The following PCDHA9 variants were observed in gnomAD, a reference collection of about 807,000 sequenced individuals.
The protein encoded by PCDHA9 is protocadherin alpha-9.
A neutral mutation model predicts 62.0 loss-of-function variants in PCDHA9; 62 were observed. That is an observed-to-expected ratio of 1.00 (90% CI 0.81 to 1.23). The LOEUF is 1.23. PCDHA9 is among the 50% of genes most tolerant of loss of function. The pLI is 0.00. For synonymous variants in PCDHA9, 557 were observed against 567.6 expected (o/e 0.98, Z 0.27); for missense variants, 1,205 against 1,249.8 (o/e 0.96, Z 0.54).
Position 141,004,229 on chromosome 5 carries a change from T to G in PCDHA9, c.2543-5398T>G, listed in dbSNP as rs368330742. On this transcript the variant is annotated intron_variant, in intron 3 of 3. Transcript: ENST00000532602. ...AGATTAGGAGGTCAGTCAGTGTTTG[T>G]CAGATCCTTAAGCTTTTGTTTTACT... Among the ~76,000 whole-genome samples, 5 of 152,250 alleles carry G rather than the reference T, an allele frequency of 3.3e-5. No individual in the cohort carries two copies. The East Asian group carries it at 7.7e-4, about 23-fold the overall frequency.
chr5:140,936,037 C>A (rs2090734622), intron 1 of PCDHA9, among the ~76,000 whole-genome samples: 2 of 151,862 alleles, frequency 1.3e-5, no homozygotes, highest in Non-Finnish European at 1.5e-5. Flanking sequence ...GGATTACAGG[C>A]ACCCACCACC....
intron 3 of PCDHA9, among the ~76,000 whole-genome samples, chr5:141,002,971 T>C (rs138459473): frequency 6.6e-6 from 1 of 152,274 alleles, no homozygotes; most frequent in African/African-American, 2.4e-5. Flanking sequence ...TTCCTGAAAA[T>C]AGTATCCTTG....
chr5:140,886,102 G>A (rs1040004596), intron 1 of PCDHA9, among the ~76,000 whole-genome samples: 17 of 152,136 alleles, frequency 1.1e-4, no homozygotes, highest in Admixed American at 1.3e-4. Flanking sequence ...CATTGATACA[G>A]TAAAGAAGTA....
At chr5:140,929,331 C>G in intron 1 of PCDHA9, 1 of 1,534,960 alleles carries the variant, frequency 6.5e-7, no homozygotes, top group Non-Finnish European at 8.8e-7. Context: ...CCATGGTAAG[C>G]AAATTTTATG....
In PCDHA9 at chr5:140,849,836, C is replaced by T. The variant is rs2150452657; in HGVS notation, c.1341C>T (p.Asp447=). 6 of 1,598,428 alleles carry T rather than the reference C, an allele frequency of 3.8e-6. 1 individual carries two copies. The Admixed American group carries it at 5.1e-5, about 13-fold the overall frequency. The change falls in exon 1 of 4, where the codon GAC becomes GAT. Residue 447 remains aspartate (D), a synonymous_variant. Coordinates refer to ENST00000532602, the MANE Select transcript of PCDHA9 (RefSeq NM_031857.2). Reference sequence around the variant, plus strand: ...CCAGGGTGTCTGTGGAGGTGGCCGACGTGAACGACAACGCACCAGCGTTCG... The same window carrying T: ...CCAGGGTGTCTGTGGAGGTGGCCGATGTGAACGACAACGCACCAGCGTTCG... ...ATARVSVEVA[D]VNDNAPAFAQ...
chr5:140,902,953 C>G (rs549407032), intron 1 of PCDHA9, among the ~76,000 whole-genome samples: 1 of 152,162 alleles, frequency 6.6e-6, no homozygotes, highest in East Asian at 1.9e-4. Context: ...TCTTTATCCA[C>G]TTGTTGGCTG....
chr5:140,869,424 G>A, intron 1 of PCDHA9: 2 of 1,614,216 alleles, frequency 1.2e-6, no homozygotes, highest in African/African-American at 2.7e-5. Context: ...TCCACCTGGA[G>A]GTGATCGTGG....
At chr5:140,913,970 T>C (rs2076541614) in intron 1 of PCDHA9, among the ~76,000 whole-genome samples, 1 of 152,144 alleles carries the variant, frequency 6.6e-6, no homozygotes. Context: ...TAAAAAAATA[T>C]TTTAGGACTT....
intron 1 of PCDHA9, chr5:140,929,069 G>A (rs1554206647): frequency 1.2e-6 from 2 of 1,614,192 alleles, no homozygotes; most frequent in Non-Finnish European, 8.5e-7. Context: ...GAGGATCTGA[G>A]GTATGGAAGT....
At chr5:140,940,764 G>C (rs977154290) in intron 1 of PCDHA9, among the ~76,000 whole-genome samples, 1 of 152,080 alleles carries the variant, frequency 6.6e-6, no homozygotes, top group Non-Finnish European at 1.5e-5. Context: ...ACTTTTATTT[G>C]ACTTTTGATG....
At chr5:140,863,770 G>C (rs953823411) in intron 1 of PCDHA9, 1 of 240,010 alleles carries the variant, frequency 4.2e-6, no homozygotes, top group African/African-American at 2.3e-5. Context: ...AAGCCGAGGC[G>C]GGCGGATCAC....
At chr5:140,927,123 C>T (rs2083865957) in intron 1 of PCDHA9, 1 of 1,613,986 alleles carries the variant, frequency 6.2e-7, no homozygotes, top group Non-Finnish European at 8.5e-7. Context: ...ATTTGGTGGT[C>T]AGAGAGCCGG....
At chr5:140,992,914 C>T (rs1383362253) in intron 3 of PCDHA9, among the ~76,000 whole-genome samples, 1 of 152,220 alleles carries the variant, frequency 6.6e-6, no homozygotes, top group African/African-American at 2.4e-5. Context: ...CTTAGGCCCT[C>T]TCCATACTTA....
At chr5:140,884,414 C>G in intron 1 of PCDHA9, 2 of 1,614,008 alleles carry the variant, frequency 1.2e-6, no homozygotes, top group Non-Finnish European at 1.7e-6. Context: ...GCTCACGTTG[C>G]TGCTGTATAC....
At position 140,975,481 on chromosome 5, in the gene PCDHA9, T is replaced by C. The variant is rs566642912; in HGVS notation, c.2395-3468T>C. Among the ~76,000 whole-genome samples, 225 of 152,370 alleles carry C rather than the reference T, an allele frequency of 1.5e-3. 1 individual carries two copies. The highest frequency in any genetic ancestry group is 5.2e-3 in the African/African-American group (216 of 41,590). ...TCTTGGAATTCTGCCTATCAGTTTA[T>C]ATCAATGTTCATAAAATAGCACTAT... On this transcript the variant is annotated intron_variant, in intron 1 of 3. Transcript: ENST00000532602.
chr5:140,938,973 G>A (rs112209995), intron 1 of PCDHA9, among the ~76,000 whole-genome samples: 3 of 152,224 alleles, frequency 2.0e-5, no homozygotes, highest in East Asian at 1.9e-4. Context: ...TTGGCATCAA[G>A]GCTATCCTGG....
chr5:140,960,316 G>A (rs1360755627), intron 1 of PCDHA9, among the ~76,000 whole-genome samples: 1 of 152,066 alleles, frequency 6.6e-6, no homozygotes, highest in African/African-American at 2.4e-5. Flanking sequence ...ACCTCATTAG[G>A]GTCCTGTGAG....
At chr5:140,997,141 C>T (rs941650589) in intron 3 of PCDHA9, among the ~76,000 whole-genome samples, 6 of 152,088 alleles carry the variant, frequency 3.9e-5, no homozygotes, top group Admixed American at 2.6e-4. Flanking sequence ...CCCACACCCC[C>T]GCCACAGTGA....
intron 1 of PCDHA9, among the ~76,000 whole-genome samples, chr5:140,955,517 C>T (rs1554221970): frequency 6.6e-6 from 1 of 152,154 alleles, no homozygotes; most frequent in African/African-American, 2.4e-5. Flanking sequence ...TGTTTGCTTT[C>T]CCTTCCACCA....
Sources: allele counts gnomAD v4.1 joint callset (sites outside exome capture counted in the v4.1 genomes callset), GRCh38; gene constraint gnomAD v4.1.1; transcripts MANE v1.5; gene names NCBI Gene and HGNC (gene_info 2026-07-23, HGNC 2026-07-21).